The following TLK2 variants were observed in gnomAD, a reference collection of about 807,000 sequenced individuals.
TLK2 encodes tousled like kinase 2, also known as serine/threonine-protein kinase tousled-like 2.
Under a neutral mutation model 117.3 loss-of-function variants are expected in TLK2, and 6 were observed. The ratio of observed to expected loss-of-function variants is 0.05; its 90% CI spans 0.03 to 0.10. The LOEUF is 0.10. Ranked by LOEUF, TLK2 falls within the 10% of genes least tolerant of loss-of-function variation. The pLI is 1.00. For synonymous variants in TLK2, 257 were observed against 316.7 expected (o/e 0.81, Z 2.00); for missense variants, 299 against 901.2 (o/e 0.33, Z 8.56).
In TLK2 at chr17:62,472,580, TA is replaced by T. The variant is rs1218436294; in HGVS notation, c.-205+1510del. Among the ~76,000 whole-genome samples the T allele has an allele frequency of 3.3e-5, 5 of 151,586 alleles. No individual in the cohort carries two copies. In the East Asian group the frequency reaches 9.8e-4, roughly 30 times the overall value. On this transcript the variant is annotated intron_variant, in intron 1 of 4. Transcript: ENST00000579450. ...GGTGAAACCCCGTCTCTACTAAAAATAAAAAAAATTAGCTGGGCGAGGTGGC... is the reference window on the plus strand; with the variant it reads ...GGTGAAACCCCGTCTCTACTAAAAATAAAAAAATTAGCTGGGCGAGGTGGC...
chr17:62,578,375 T>G, intron 13 of TLK2, 102 bp from the exon 14 acceptor site: 2 of 866,240 alleles, frequency 2.3e-6, no homozygotes, highest in Non-Finnish European at 3.7e-6. Context: ...GCACCTTCCT[T>G]TAGCCTTTCA....
At chr17:62,539,471 CTCTT>C (rs1184702010) in intron 7 of TLK2, among the ~76,000 whole-genome samples, 1 of 148,242 alleles carries the variant, frequency 6.7e-6, no homozygotes, top group Non-Finnish European at 1.5e-5. Flanking sequence ...TAACCTCCCT[CTCTT>C]TTTTTTTTTT....
At chr17:62,527,408 A>G (rs1456406940) in intron 6 of TLK2, among the ~76,000 whole-genome samples, 2 of 152,178 alleles carry the variant, frequency 1.3e-5, no homozygotes, top group African/African-American at 4.8e-5. Flanking sequence ...GAATTTTCAC[A>G]AACTCTACAA....
At chr17:62,473,372 G>A (rs1490389777) in intron 1 of TLK2, among the ~76,000 whole-genome samples, 1 of 151,430 alleles carries the variant, frequency 6.6e-6, no homozygotes, top group African/African-American at 2.4e-5. Flanking sequence ...AGGCTAGGGA[G>A]GTGATTCAGA....
chr17:62,534,881 CTTTTTTTTTTTTTT>C (rs386386398), intron 6 of TLK2, among the ~76,000 whole-genome samples: 2 of 72,988 alleles, frequency 2.7e-5, no homozygotes, highest in Non-Finnish European at 4.8e-5. Context: ...TAATTCCAGT[CTTTTTTTTTTTTTT>C]TTTTTTTTTT....
chr17:62,481,118 C>T lies in TLK2; in HGVS notation c.-5-3C>T. The T allele has an allele frequency of 4.3e-6, 7 of 1,612,564 alleles. No homozygotes were observed. The highest frequency in any genetic ancestry group is 5.9e-6 in the Non-Finnish European group (7 of 1,179,462). Reference sequence around the variant, plus strand: ...GTTTCACAGCCTACTTTTTCTTTTTCAGCAGAAATGATGGAAGAATTGCAT... The same window carrying T: ...GTTTCACAGCCTACTTTTTCTTTTTTAGCAGAAATGATGGAAGAATTGCAT... On this transcript the variant is annotated splice_region_variant and splice_polypyrimidine_tract_variant and intron_variant, in intron 1 of 21. Transcript: ENST00000346027.
chr17:62,526,325 C>T (rs2076364785), intron 6 of TLK2, among the ~76,000 whole-genome samples: 2 of 152,156 alleles, frequency 1.3e-5, no homozygotes, highest in Non-Finnish European at 2.9e-5. Flanking sequence ...CTACTTAGTT[C>T]CCTTTCCTCC....
intron 4 of TLK2, among the ~76,000 whole-genome samples, chr17:62,522,640 T>G (rs1254483889): frequency 6.6e-6 from 1 of 152,258 alleles, no homozygotes; most frequent in Admixed American, 6.5e-5. Context: ...TCATTTACAT[T>G]ACTGTCCTTT....
rs762956610 is a variant in TLK2 at position 62,602,230 on chromosome 17, T to C, written c.1859+50T>C. ...GTTGGCTATAGAGATGTGGCTCTGC[T>C]ATGCTGAAGTGTTGATAATGAATTA... On this transcript the variant is annotated intron_variant, in intron 19 of 21. Transcript: ENST00000346027. 10 of 1,574,694 alleles carry C rather than the reference T, an allele frequency of 6.4e-6. No individual in the cohort carries two copies. In the South Asian group the frequency reaches 1.2e-4, roughly 19 times the overall value.
rs140272666 is a variant in TLK2, at chr17:62,516,509, G to A, written c.82-4264G>A. 18 of 1,607,798 alleles carry A rather than the reference G, an allele frequency of 1.1e-5. No individual in the cohort carries two copies. The South Asian group carries it at 2.0e-4, about 18-fold the overall frequency. On this transcript the variant is annotated intron_variant, in intron 2 of 21. Transcript: ENST00000346027. ...CGTAGGGTGGCAGGCACAATCTCCGGGGGCAGATGAAGGTAATCACGGAGA... is the reference window on the plus strand; with the variant it reads ...CGTAGGGTGGCAGGCACAATCTCCGAGGGCAGATGAAGGTAATCACGGAGA...
rs527317001 is a variant in TLK2, at chr17:62,518,225, T to C, written c.82-2548T>C. ...ATAAATGGGTTAATATAGTTTTTAA[T>C]GGTAAAGCATTAGAGGTGTTACCAT... On this transcript the variant is annotated intron_variant, in intron 2 of 21. Coordinates refer to ENST00000346027, the MANE Select transcript of TLK2 (RefSeq NM_006852.6). Among the ~76,000 whole-genome samples, 72 of 152,336 alleles carry C rather than the reference T, an allele frequency of 4.7e-4. No homozygotes were observed. The South Asian group carries it at 0.014, about 31-fold the overall frequency.
chr17:62,584,645 T>C (rs1015982712), intron 15 of TLK2, among the ~76,000 whole-genome samples: 3 of 152,112 alleles, frequency 2.0e-5, no homozygotes, highest in Non-Finnish European at 4.4e-5. Context: ...TGAAGCCCTG[T>C]CTAGATAAAA....
chr17:62,490,932 G>A (rs2073050523), intron 2 of TLK2, among the ~76,000 whole-genome samples: 1 of 152,136 alleles, frequency 6.6e-6, no homozygotes, highest in South Asian at 2.1e-4. Context: ...TTTAGCGACA[G>A]GACTTCATCC....
At chr17:62,542,370 G>A (rs2077597571) in intron 7 of TLK2, among the ~76,000 whole-genome samples, 1 of 152,180 alleles carries the variant, frequency 6.6e-6, no homozygotes, top group Admixed American at 6.5e-5. Context: ...GCCTCTCAAA[G>A]TGTGGGGATT....
chr17:62,477,136 T>A (rs2071074132), upstream of TLK2, among the ~76,000 whole-genome samples: 1 of 151,746 alleles, frequency 6.6e-6, no homozygotes, highest in Admixed American at 6.6e-5. Context: ...TTTGATGGAG[T>A]TGCTTTCTTG....
intron 19 of TLK2, among the ~76,000 whole-genome samples, chr17:62,602,568 T>G (rs373065229): frequency 1.3e-5 from 2 of 152,174 alleles, no homozygotes; most frequent in East Asian, 1.9e-4. Flanking sequence ...GATAAGGGAT[T>G]TGTCTCAAGA....
chr17:62,475,847 A>T (rs1452424425), upstream of TLK2, among the ~76,000 whole-genome samples: 1 of 150,294 alleles, frequency 6.7e-6, no homozygotes, highest in African/African-American at 2.5e-5. Context: ...TTTTTAGTAG[A>T]GACAGGGTTT....
chr17:62,586,297 C>G (rs1023250248), intron 16 of TLK2, 71 bp downstream of exon 16: 5 of 1,063,858 alleles, frequency 4.7e-6, no homozygotes, highest in African/African-American at 1.6e-5. Flanking sequence ...ATGCTACAAG[C>G]TTTACGTGCA....
intron 2 of TLK2, among the ~76,000 whole-genome samples, chr17:62,502,134 A>G (rs756100430): frequency 1.3e-5 from 2 of 151,740 alleles, no homozygotes; most frequent in Non-Finnish European, 2.9e-5. Context: ...CTGTAGCTCA[A>G]TATCCCTCAA....
Sources: allele counts gnomAD v4.1 joint callset (sites outside exome capture counted in the v4.1 genomes callset), GRCh38; gene constraint gnomAD v4.1.1; transcripts MANE v1.5; gene names NCBI Gene and HGNC (gene_info 2026-07-23, HGNC 2026-07-21).